The following SEZ6 variants were observed in gnomAD, a reference collection of about 807,000 sequenced individuals.
The protein encoded by SEZ6 is seizure protein 6 homolog.
In SEZ6, 53 loss-of-function variants were observed where a neutral mutation model predicts 101.0. That is an observed-to-expected ratio of 0.52 (90% confidence interval 0.42 to 0.66). The LOEUF is 0.66. Among genes scored for constraint, SEZ6 ranks in the 30% least tolerant of loss-of-function variants. The pLI is 0.00. For missense variants in SEZ6, 1,102 were observed against 1,289.4 expected, an observed-to-expected ratio of 0.85 and a Z score of 2.23; for synonymous variants, 488 against 512.2, an observed-to-expected ratio of 0.95 and a Z score of 0.64.
rs767820687 is a variant in SEZ6 at position 28,981,739 on chromosome 17, A to G, written c.356T>C (p.Phe119Ser). 6 of 1,606,700 alleles carry G rather than the reference A, an allele frequency of 3.7e-6. No homozygotes were observed. Among genetic ancestry groups the G allele is most frequent in the Non-Finnish European group, 2.6e-6 (3 of 1,174,568 alleles). Residue 119 changes from phenylalanine (F) to serine (S), a missense_variant, in exon 2 of 17, where the codon TTT becomes TCT. Phe to Ser is a radical substitution (Grantham distance 155, BLOSUM62 -2). This residue lies in a region of SEZ6 where 406 missense variants were observed against 418.6 expected (regional missense o/e 0.97). Coordinates refer to ENST00000317338, the MANE Select transcript of SEZ6 (RefSeq NM_178860.5). ...AGCCATGGCTGGAGTGGGGCTGGTAAAGACAGGGCGGCTGTCCTGGTTGGC... is the reference window on the plus strand; with the variant it reads ...AGCCATGGCTGGAGTGGGGCTGGTAGAGACAGGGCGGCTGTCCTGGTTGGC... The part of the protein sequence containing the change: ...RLANQDSRPV[F>S]TSPTPAMAAV...
In SEZ6 at chr17:28,960,658, T is replaced by C. The variant is rs1386015114; in HGVS notation, c.1423A>G (p.Asn475Asp). Residue 475 changes from asparagine to aspartate, a missense_variant, in exon 7 of 17, where the codon AAT becomes GAT. Physicochemically the swap from Asn to Asp is conservative, Grantham distance 23. Coordinates refer to ENST00000317338, the MANE Select transcript of SEZ6 (RefSeq NM_178860.5). The stretch of plus-strand genomic sequence containing the variant: ...GGTGGGGCCTCCACGTTGTCCCCAT[T>C]GCGAATGATGAGCCTGAACCAGGAG... Reference protein sequence around the residue: ...AEDDDRLIIRNGDNVEAPPVY... With the variant: ...AEDDDRLIIRDGDNVEAPPVY... The C allele has an allele frequency of 4.4e-6, 7 of 1,605,736 alleles. No individual in the cohort carries two copies. The highest frequency in any genetic ancestry group is 6.0e-6 in the Non-Finnish European group (7 of 1,176,134).
chr17:28,991,423 C>A (rs374497130), intron 1 of SEZ6, among the ~76,000 whole-genome samples: 1 of 152,296 alleles, frequency 6.6e-6, no homozygotes, highest in South Asian at 2.1e-4. Context: ...CCAGGCTGGT[C>A]TCGAACTCCT....
intron 1 of SEZ6, among the ~76,000 whole-genome samples, chr17:29,002,472 A>G (rs1400337237): frequency 6.6e-6 from 1 of 152,172 alleles, no homozygotes; most frequent in East Asian, 1.9e-4. Context: ...AGGGCCTGCC[A>G]AGCTTAGACC....
Position 28,964,120 on chromosome 17 carries a change from C to T in SEZ6, c.1082G>A (p.Arg361His), listed in dbSNP as rs200775385. The change falls in exon 5 of 17, where the codon CGT becomes CAT. Residue 361 changes from arginine (R) to histidine (H), a missense_variant. Arg to His is a conservative substitution (Grantham distance 29). This residue lies in a region of SEZ6 where 556 missense variants were observed against 735.1 expected (regional missense o/e 0.76). Coordinates refer to ENST00000317338, the MANE Select transcript of SEZ6 (RefSeq NM_178860.5). ...AGTCACATCTCCATAAGCTGGACGACGGGGAAAGTGGCAGCTCAGGAGATA... is the reference window on the plus strand; with the variant it reads ...AGTCACATCTCCATAAGCTGGACGATGGGGAAAGTGGCAGCTCAGGAGATA... ...QAYLLSCHFP[R>H]RPAYGDVTVT... 197 of 1,591,336 alleles carry T rather than the reference C, an allele frequency of 1.2e-4. No homozygotes were observed. The highest frequency in any genetic ancestry group is 3.2e-4 in the East Asian group (14 of 43,596).
chr17:28,994,302 G>T (rs919724293), intron 1 of SEZ6, among the ~76,000 whole-genome samples: 1 of 151,680 alleles, frequency 6.6e-6, no homozygotes, highest in Non-Finnish European at 1.5e-5. Flanking sequence ...TGGAGACGGA[G>T]TCTCACTCTG....
chr17:28,984,950 A>T (rs997232174), intron 1 of SEZ6, among the ~76,000 whole-genome samples: 4 of 152,134 alleles, frequency 2.6e-5, no homozygotes, highest in Admixed American at 2.6e-4. Flanking sequence ...ATCAGGCACT[A>T]CTGTGTCAGG....
At chr17:28,969,192 C>G (rs562980217) in intron 4 of SEZ6, among the ~76,000 whole-genome samples, 1 of 152,246 alleles carries the variant, frequency 6.6e-6, no homozygotes, top group South Asian at 2.1e-4. Context: ...TCGTGCTGCT[C>G]CCTTATTTCC....
At chr17:29,002,943 A>T (rs1049476873) in intron 1 of SEZ6, among the ~76,000 whole-genome samples, 4 of 152,028 alleles carry the variant, frequency 2.6e-5, no homozygotes, top group African/African-American at 9.7e-5. Flanking sequence ...CAGACTAGCC[A>T]TCCCCAGGCC....
At chr17:28,965,684 G>A (rs2041055095) in intron 4 of SEZ6, among the ~76,000 whole-genome samples, 1 of 152,118 alleles carries the variant, frequency 6.6e-6, no homozygotes, top group Non-Finnish European at 1.5e-5. Context: ...GACGAGGGTA[G>A]GGAGGCAGTG....
intron 11 of SEZ6, 111 bp from the exon 12 acceptor site, chr17:28,957,650 C>T (rs1193361419): frequency 1.7e-6 from 2 of 1,191,548 alleles, no homozygotes; most frequent in Non-Finnish European, 2.3e-6. Context: ...ATGGGTCTAC[C>T]CCCTACGTAT....
At chr17:28,983,616 C>T (rs190707978) in intron 1 of SEZ6, among the ~76,000 whole-genome samples, 81 of 151,990 alleles carry the variant, frequency 5.3e-4, no homozygotes, top group African/African-American at 1.2e-3. Flanking sequence ...GTGGCCCATT[C>T]GGCTCCCCAG....
chr17:28,970,949 G>T (rs889032003), intron 3 of SEZ6, among the ~76,000 whole-genome samples: 1 of 152,082 alleles, frequency 6.6e-6, no homozygotes, highest in South Asian at 2.1e-4. Context: ...CTCTTTCTCC[G>T]ATCCTTTCCC....
chr17:28,965,740 A>G (rs1399413201), intron 4 of SEZ6, among the ~76,000 whole-genome samples: 3 of 152,224 alleles, frequency 2.0e-5, no homozygotes, highest in Non-Finnish European at 2.9e-5. Flanking sequence ...GCCCTGGGAA[A>G]GCTGGTAGCT....
intron 10 of SEZ6, 105 bp from the exon 11 acceptor site, chr17:28,958,246 G>C: frequency 7.3e-7 from 1 of 1,375,016 alleles, no homozygotes; most frequent in Middle Eastern, 2.7e-4. Context: ...CCTGGACCTA[G>C]ACTGTCCTGG....
chr17:28,970,165 AT>A (rs1460809378), intron 3 of SEZ6, among the ~76,000 whole-genome samples: 1 of 152,182 alleles, frequency 6.6e-6, no homozygotes, highest in East Asian at 1.9e-4. Flanking sequence ...GATTAAGTAA[AT>A]TATCCAAGGT....
intron 1 of SEZ6, among the ~76,000 whole-genome samples, chr17:28,986,475 T>G (rs894955544): frequency 1.3e-5 from 2 of 152,190 alleles, no homozygotes; most frequent in Admixed American, 1.3e-4. Flanking sequence ...CTGGGGCGTG[T>G]TCTAGCGTCC....
upstream of SEZ6, chr17:29,006,130 A>C (rs1429742298): frequency 3.2e-5 from 9 of 282,946 alleles, no homozygotes. Flanking sequence ...GCAAAGGCGC[A>C]GAGACCCAGG....
At chr17:28,985,723 T>C (rs909342635) in intron 1 of SEZ6, among the ~76,000 whole-genome samples, 1 of 152,196 alleles carries the variant, frequency 6.6e-6, no homozygotes, top group Non-Finnish European at 1.5e-5. Context: ...GGACTACCCA[T>C]GTTCCATGTT....
Position 28,959,510 on chromosome 17 carries a change from C to T in SEZ6, c.1772-38G>A. 6.2e-7 allele frequency: 1 copy of T among 1,603,018 alleles called. No individual in the cohort carries two copies. The highest frequency in any genetic ancestry group is 8.5e-7 in the Non-Finnish European group (1 of 1,176,030). ...GGAGGCCCAGAAGGGTCTTTTCAAG[C>T]TTACCATGGTGTTGCTTACCATCTG... On this transcript the variant is annotated intron_variant, in intron 8 of 16. Transcript: ENST00000317338. The surrounding 1 kb of genome is among the most constrained non-coding windows in gnomAD (Gnocchi z 4.4).
Sources: allele counts gnomAD v4.1 joint callset (sites outside exome capture counted in the v4.1 genomes callset), GRCh38; gene constraint gnomAD v4.1.1; regional missense constraint gnomAD v4.1.1; non-coding constraint Gnocchi (gnomAD v3.1); transcripts MANE v1.5; gene names NCBI Gene and HGNC (gene_info 2026-07-23, HGNC 2026-07-21).